SHROOM2: variants seen among roughly 807,000 people sequenced by gnomAD.
SHROOM2 encodes the protein shroom family member 2, also known as protein Shroom2.
SHROOM2 carries 33 observed loss-of-function variants against 75.9 expected under a neutral mutation model. The ratio of observed to expected loss-of-function variants is 0.43; its 90% CI spans 0.33 to 0.58. The LOEUF is 0.58. Among genes scored for constraint, SHROOM2 ranks in the 20% least tolerant of loss-of-function variants. The pLI is 0.04. For synonymous variants in SHROOM2, 655 were observed against 663.6 expected (o/e 0.99, Z 0.20); for missense variants, 1,434 against 1,461.2 (o/e 0.98, Z 0.30).
At chrX:9,811,227 A>C (rs1389815223) in intron 1 of SHROOM2, among the ~76,000 whole-genome samples, 1 of 111,721 alleles carries the variant, frequency 9.0e-6, no homozygotes, top group Non-Finnish European at 1.9e-5. Context: ...GCTGCTGGCA[A>C]ATTGGGTACC....
At chrX:9,856,308 G>A (rs111578694) in intron 1 of SHROOM2, among the ~76,000 whole-genome samples, 12 of 111,204 alleles carry the variant, frequency 1.1e-4, no homozygotes, top group South Asian at 7.6e-4. Context: ...AACTACCTCC[G>A]TGTAGCCCCA....
Position 9,896,004 on chromosome X carries a change from G to C in SHROOM2, c.2096G>C (p.Arg699Pro), listed in dbSNP as rs1007481926. 1 of 1,206,644 alleles carries C rather than the reference G, an allele frequency of 8.3e-7. No individual in the cohort carries two copies. The highest frequency in any genetic ancestry group is 1.1e-6 in the Non-Finnish European group (1 of 893,779). Residue 699 changes from arginine to proline, a missense_variant, in exon 4 of 10, where the codon CGC (arginine) becomes CCC (proline). By Grantham distance (103) the Arg-to-Pro change is moderately radical (BLOSUM62 -2). Transcript: ENST00000380913. ...ARVLRATSFK[R>P]RDLDPNPGDL... ...GTCCTGAGGGCCACGTCCTTCAAGC[G>C]CCGCGACTTGGACCCCAACCCAGGA...
At chrX:9,889,081 G>A (rs1252785645) in intron 2 of SHROOM2, among the ~76,000 whole-genome samples, 2 of 112,165 alleles carry the variant, frequency 1.8e-5, no homozygotes, top group Non-Finnish European at 3.8e-5. Context: ...CACATGGCCA[G>A]AACCTTCCTT....
At chrX:9,856,161 C>T (rs1160692472) in intron 1 of SHROOM2, among the ~76,000 whole-genome samples, 1 of 108,893 alleles carries the variant, frequency 9.2e-6, no homozygotes, top group Non-Finnish European at 1.9e-5. Flanking sequence ...ATTAGAGTGG[C>T]ATAAATCTTA....
chrX:9,946,857 G>A lies in SHROOM2; in HGVS notation c.4771G>A (p.Glu1591Lys). The A allele has an allele frequency of 8.3e-7, 1 of 1,198,288 alleles. No individual in the cohort carries two copies. The highest frequency in any genetic ancestry group is 1.1e-6 in the Non-Finnish European group (1 of 888,203). Residue 1591 changes from glutamate to lysine, a missense_variant, in exon 10 of 10, where the codon GAG becomes AAG. By Grantham distance (56) the Glu-to-Lys change is moderately conservative. Coordinates refer to ENST00000380913, the MANE Select transcript of SHROOM2 (RefSeq NM_001649.4). Reference sequence around the variant, plus strand: ...GTCGGCCCTCATCATCGAGCAGCGGGAGCTGGAAGATAAAATCCACCTTGG... The same window carrying A: ...GTCGGCCCTCATCATCGAGCAGCGGAAGCTGGAAGATAAAATCCACCTTGG... ...MKSALIIEQR[E>K]LEDKIHLGEE... is the part of the protein sequence containing the mutation.
intron 1 of SHROOM2, among the ~76,000 whole-genome samples, chrX:9,820,753 A>G (rs900545624): frequency 2.5e-4 from 28 of 112,212 alleles, no homozygotes; most frequent in African/African-American, 6.8e-4. Context: ...CAGAAGTCTC[A>G]ATTTGACAAT....
At chrX:9,835,750 T>A (rs1422491684) in intron 1 of SHROOM2, among the ~76,000 whole-genome samples, 1 of 109,227 alleles carries the variant, frequency 9.2e-6, no homozygotes, top group African/African-American at 3.3e-5. Flanking sequence ...TTTGGTTGTT[T>A]TGAGTCAGGC....
chrX:9,884,695 A>T (rs1457672940), intron 2 of SHROOM2, among the ~76,000 whole-genome samples: 1 of 101,445 alleles, frequency 9.9e-6, no homozygotes, highest in Non-Finnish European at 2.0e-5. Context: ...AAAAAAAAAA[A>T]ACCCAAACAC....
rs1211854071 is a variant in SHROOM2 at position 9,949,279 on chromosome X, A to G, written c.*2342A>G. Reference sequence around the variant, plus strand: ...GGCAGCTGCTCCTTCGCCCTCTTGTAGTGTGGCTGTGGAGGGCTCTGCCTA... The same window carrying G: ...GGCAGCTGCTCCTTCGCCCTCTTGTGGTGTGGCTGTGGAGGGCTCTGCCTA... On this transcript the variant is annotated 3_prime_UTR_variant, in exon 10 of 10. Transcript: ENST00000380913. The G allele has an allele frequency of 3.1e-6, 1 of 327,517 alleles. No homozygotes were observed. The highest frequency in any genetic ancestry group is 3.1e-5 in the Admixed American group (1 of 31,936). 27.0% of individuals were successfully genotyped at this position (327,517 alleles called of 1,213,427 possible).
intron 5 of SHROOM2, among the ~76,000 whole-genome samples, chrX:9,919,568 G>C (rs2084523413): frequency 9.1e-6 from 1 of 109,405 alleles, no homozygotes; most frequent in Non-Finnish European, 1.9e-5. Flanking sequence ...CTGACCTCGT[G>C]ATCTGCCCCC....
intron 1 of SHROOM2, among the ~76,000 whole-genome samples, chrX:9,789,963 G>T (rs906665061): frequency 2.5e-5 from 1 of 40,574 alleles, no homozygotes; most frequent in Non-Finnish European, 5.8e-5. Context: ...GGTCTGGGAC[G>T]CTTGGAGGTC....
intron 1 of SHROOM2, among the ~76,000 whole-genome samples, chrX:9,792,024 T>C (rs753219064): frequency 5.8e-3 from 2 of 342 alleles, no homozygotes; most frequent in East Asian, 0.12. Context: ...TAGAATAGAA[T>C]AGAATAGAAT....
chrX:9,894,506 C>G lies in SHROOM2; in HGVS notation c.598C>G (p.Leu200Val). The part of the protein sequence containing the change: ...VAKSNSSIDH[L>V]GSHSKRDSAY... Reference sequence around the variant, plus strand: ...CAAGTCCAACAGCAGCATCGACCACCTGGGCAGCCACAGCAAGCGCGACTC... The same window carrying G: ...CAAGTCCAACAGCAGCATCGACCACGTGGGCAGCCACAGCAAGCGCGACTC... Residue 200 changes from leucine (L) to valine (V), a missense_variant, in exon 4 of 10, where the codon CTG becomes GTG. Leu to Val is a conservative substitution (Grantham distance 32). Around this residue, in one of 3 missense-constraint regions of SHROOM2, gnomAD observed 1,340 missense variants for 1,338.3 expected, o/e 1.00. Coordinates refer to ENST00000380913, the MANE Select transcript of SHROOM2 (RefSeq NM_001649.4). The G allele has an allele frequency of 8.3e-7, 1 of 1,211,738 alleles. No homozygotes were observed. Among genetic ancestry groups the G allele is most frequent in the Non-Finnish European group, 1.1e-6 (1 of 895,535 alleles).
intron 6 of SHROOM2, among the ~76,000 whole-genome samples, chrX:9,936,272 C>T (rs1186830324): frequency 1.8e-5 from 2 of 109,502 alleles, no homozygotes; most frequent in African/African-American, 6.7e-5. Flanking sequence ...CCACCACACC[C>T]GGCTAATTTT....
At chrX:9,874,914 C>A (rs1370610884) in intron 2 of SHROOM2, among the ~76,000 whole-genome samples, 1 of 105,051 alleles carries the variant, frequency 9.5e-6, no homozygotes, top group Non-Finnish European at 2.0e-5. Context: ...ATCTCTCTCT[C>A]AAAAAATTTT....
chrX:9,932,050 G>C (rs909582036), intron 5 of SHROOM2, 125 bp from the exon 6 acceptor site: 25 of 595,935 alleles, frequency 4.2e-5, no homozygotes, highest in Non-Finnish European at 4.1e-5. Flanking sequence ...ACAGGTGTGG[G>C]AAAGTGCATA....
rs192584519 is a variant in SHROOM2 at position 9,863,981 on chromosome X, T to C, written c.166-9671T>C. Among the ~76,000 whole-genome samples the C allele has an allele frequency of 4.5e-3, 505 of 111,329 alleles. 1 individual carries two copies. The highest frequency in any genetic ancestry group is 6.9e-3 in the Non-Finnish European group (366 of 53,091). ...TCCAGCGACCTTCTAGCTGAAAACT[T>C]GGAGGCAAATTTTCCTTAAAAGGCC... On this transcript the variant is annotated intron_variant, in intron 1 of 9. Coordinates refer to ENST00000380913, the MANE Select transcript of SHROOM2 (RefSeq NM_001649.4).
At position 9,896,401 on chromosome X, in the gene SHROOM2, A is replaced by G. The variant is rs150083189; in HGVS notation, c.2493A>G (p.Thr831=). Residue 831 remains threonine (T), a synonymous_variant, in exon 4 of 10, where the codon ACA becomes ACG. Coordinates refer to ENST00000380913, the MANE Select transcript of SHROOM2 (RefSeq NM_001649.4). Reference sequence around the variant, plus strand: ...GAGACAAGCCAGAGAGGCCGCGGACAGCGGGCCGCACATGTGAGGGCACGG... The same window carrying G: ...GAGACAAGCCAGAGAGGCCGCGGACGGCGGGCCGCACATGTGAGGGCACGG... The part of the protein sequence containing the change: ...IPRDKPERPR[T]AGRTCEGTEP... 1.3e-4 allele frequency: 152 copies of G among 1,211,308 alleles called. No homozygotes were observed. In the African/African-American group the frequency reaches 2.1e-3, roughly 17 times the overall value.
chrX:9,864,338 G>A (rs1185343886), intron 1 of SHROOM2, among the ~76,000 whole-genome samples: 1 of 110,805 alleles, frequency 9.0e-6, no homozygotes, highest in Non-Finnish European at 1.9e-5. Context: ...TCTCTGATAG[G>A]GAGAGCCAGG....
Sources: allele counts gnomAD v4.1 joint callset (sites outside exome capture counted in the v4.1 genomes callset), GRCh38; gene constraint gnomAD v4.1.1; regional missense constraint gnomAD v4.1.1; transcripts MANE v1.5; gene names NCBI Gene and HGNC (gene_info 2026-07-23, HGNC 2026-07-21).